Variants in RAP1GAP observed in about 807,000 individuals in gnomAD.
The protein encoded by RAP1GAP is rap1 GTPase-activating protein 1.
In RAP1GAP, 35 loss-of-function variants were observed where a neutral mutation model predicts 87.2. The observed-to-expected ratio is 0.40, with a 90% confidence interval of 0.31 to 0.53. RAP1GAP has a LOEUF of 0.53. RAP1GAP is among the 20% of genes least tolerant of loss of function. The pLI, the probability that RAP1GAP is intolerant of heterozygous loss-of-function variation, is 0.48. For synonymous variants in RAP1GAP, 375 were observed against 363.9 expected (o/e 1.03, Z -0.35); for missense variants, 734 against 898.9 (o/e 0.82, Z 2.35).
At chr1:21,657,021 G>A (rs2096893822) in intron 1 of RAP1GAP, among the ~76,000 whole-genome samples, 1 of 152,260 alleles carries the variant, frequency 6.6e-6, no homozygotes, top group African/African-American at 2.4e-5. Flanking sequence ...TGGCGATAGA[G>A]TCTGAACAAG....
At position 21,613,585 on chromosome 1, in the gene RAP1GAP, C is replaced by T. The variant is rs1458981342; in HGVS notation, c.474+43G>A. The stretch of plus-strand genomic sequence containing the variant: ...AAGCTGAAGCCCCACAGGTGCCCAT[C>T]TGCGGAGCCAGCCCGGGAAGCTCAG... On this transcript the variant is annotated intron_variant, in intron 9 of 24. Transcript: ENST00000374765. This position sits in a 1 kb window ranked among gnomAD's most constrained non-coding sequence, Gnocchi z 4.7. The T allele has an allele frequency of 6.4e-7, 1 of 1,550,616 alleles. No homozygotes were observed. The highest frequency in any genetic ancestry group is 8.9e-7 in the Non-Finnish European group (1 of 1,122,582).
At chr1:21,645,088 T>C (rs1571257366) in intron 2 of RAP1GAP, among the ~76,000 whole-genome samples, 1 of 152,164 alleles carries the variant, frequency 6.6e-6, no homozygotes, top group African/African-American at 2.4e-5. Flanking sequence ...CGGCTAGGCC[T>C]GTCTCATTTT....
intron 1 of RAP1GAP, among the ~76,000 whole-genome samples, chr1:21,667,356 A>C (rs2097398410): frequency 6.6e-6 from 1 of 152,176 alleles, no homozygotes; most frequent in Non-Finnish European, 1.5e-5. Context: ...TTGTCTCCTA[A>C]GGGTGGAAGG....
chr1:21,620,822 C>T (rs183703982), intron 3 of RAP1GAP, among the ~76,000 whole-genome samples: 37 of 151,844 alleles, frequency 2.4e-4, no homozygotes, highest in African/African-American at 6.8e-4. Flanking sequence ...GACACATGTG[C>T]TATGGAGTTG....
At chr1:21,627,732 T>A (rs1185651928) in intron 2 of RAP1GAP, among the ~76,000 whole-genome samples, 1 of 151,992 alleles carries the variant, frequency 6.6e-6, no homozygotes, top group African/African-American at 2.4e-5. Context: ...CCCTTCTAAT[T>A]CCACTCAGCC....
chr1:21,652,630 A>G (rs995635817), intron 1 of RAP1GAP, among the ~76,000 whole-genome samples: 1 of 151,962 alleles, frequency 6.6e-6, no homozygotes, highest in Non-Finnish European at 1.5e-5. Context: ...CCAGGTCCCA[A>G]CCTTTAGAGG....
chr1:21,654,873 G>A, intron 1 of RAP1GAP, among the ~76,000 whole-genome samples: 1 of 151,886 alleles, frequency 6.6e-6, no homozygotes, highest in Admixed American at 6.6e-5. Context: ...AGGCACGGTG[G>A]CTCACACCTG....
At chr1:21,653,580 CT>C (rs1200787107) in intron 1 of RAP1GAP, among the ~76,000 whole-genome samples, 9 of 122,068 alleles carry the variant, frequency 7.4e-5, no homozygotes, top group South Asian at 2.5e-4. Context: ...TCCTTCCTTC[CT>C]TCCTTCCTTC....
intron 2 of RAP1GAP, among the ~76,000 whole-genome samples, chr1:21,638,981 G>A (rs1227054569): frequency 6.6e-6 from 1 of 152,234 alleles, no homozygotes; most frequent in Non-Finnish European, 1.5e-5. Context: ...TTAGGCATTA[G>A]ACAACCTGCT....
At chr1:21,651,809 T>C in intron 1 of RAP1GAP, 5 of 1,312,260 alleles carry the variant, frequency 3.8e-6, no homozygotes, top group Non-Finnish European at 3.9e-6. Context: ...GAAGCTGCGC[T>C]TCCGGCCGCT....
intron 2 of RAP1GAP, among the ~76,000 whole-genome samples, chr1:21,644,635 C>A (rs1450202170): frequency 6.6e-6 from 1 of 152,138 alleles, no homozygotes; most frequent in East Asian, 1.9e-4. Context: ...CGCGGTGGCT[C>A]ACGTCTATAA....
At chr1:21,621,131 C>A (rs577709650) in intron 3 of RAP1GAP, among the ~76,000 whole-genome samples, 1 of 152,282 alleles carries the variant, frequency 6.6e-6, no homozygotes, top group East Asian at 1.9e-4. Context: ...CAAATGCAAA[C>A]CCACACCTGT....
chr1:21,613,602 G>A lies in RAP1GAP; in HGVS notation c.474+26C>T. On this transcript the variant is annotated intron_variant, in intron 9 of 24. Transcript: ENST00000374765. This position sits in a 1 kb window ranked among gnomAD's most constrained non-coding sequence, Gnocchi z 4.7. Reference sequence around the variant, plus strand: ...GTGCCCATCTGCGGAGCCAGCCCGGGAAGCTCAGCGGAGCGGAGACCTCAC... The same window carrying A: ...GTGCCCATCTGCGGAGCCAGCCCGGAAAGCTCAGCGGAGCGGAGACCTCAC... 6.3e-7 allele frequency: 1 copy of A among 1,591,144 alleles called. No homozygotes were observed. The highest frequency in any genetic ancestry group is 8.6e-7 in the Non-Finnish European group (1 of 1,159,326).
chr1:21,621,441 A>G (rs2087446839), intron 3 of RAP1GAP, among the ~76,000 whole-genome samples: 1 of 152,226 alleles, frequency 6.6e-6, no homozygotes, highest in Non-Finnish European at 1.5e-5. Flanking sequence ...AGCTCTGGGA[A>G]GGGTCACAAG....
intron 2 of RAP1GAP, among the ~76,000 whole-genome samples, chr1:21,636,700 G>A (rs1027419087): frequency 2.6e-5 from 4 of 151,896 alleles, no homozygotes; most frequent in African/African-American, 9.7e-5. Flanking sequence ...CCAGCTACCC[G>A]GGAGGCTGAG....
chr1:21,602,682 T>C lies in RAP1GAP; in HGVS notation c.1538+122A>G, dbSNP rs557092037. Reference sequence around the variant, plus strand: ...CAGCAGGGACTTGACCACACAGCTGTCACTAGTGGGGATGGAGAGGCAGAG... The same window carrying C: ...CAGCAGGGACTTGACCACACAGCTGCCACTAGTGGGGATGGAGAGGCAGAG... On this transcript the variant is annotated intron_variant, in intron 19 of 24. Transcript: ENST00000374765. 1,248 of 816,664 alleles carry C rather than the reference T, an allele frequency of 1.5e-3. 10 individuals carry two copies. The African/African-American group carries it at 0.018, about 12-fold the overall frequency. The allele number at this position is 816,664 out of a possible 1,614,324, so 50.6% of individuals were successfully genotyped here. A position where few individuals can be genotyped will look rare whatever the true frequency, so the allele number is the denominator to read the frequency against.
chr1:21,617,533 C>A (rs1315248870), intron 6 of RAP1GAP, 42 bp from the exon 7 acceptor site: 2 of 1,552,914 alleles, frequency 1.3e-6, no homozygotes, highest in Non-Finnish European at 1.7e-6. Flanking sequence ...CACTGTACCC[C>A]ACTGGGCGCC....
intron 20 of RAP1GAP, among the ~76,000 whole-genome samples, chr1:21,600,456 C>G (rs1449189891): frequency 1.3e-5 from 2 of 152,232 alleles, no homozygotes; most frequent in African/African-American, 2.4e-5. Context: ...AATGCAGGGA[C>G]AGTTTCCTCA....
At chr1:21,626,254 C>T (rs777098568) in intron 3 of RAP1GAP, 50 bp downstream of exon 3, 39 of 1,463,982 alleles carry the variant, frequency 2.7e-5, no homozygotes, top group Non-Finnish European at 3.4e-5. Context: ...GGGCATGTGT[C>T]GGAGGTAGGG....
Sources: gnomAD v4.1 joint callset for allele counts (sites outside exome capture counted in the v4.1 genomes callset) on GRCh38, gnomAD v4.1.1 for gene constraint, Gnocchi (gnomAD v3.1) non-coding constraint, MANE v1.5 for transcripts, NCBI Gene and HGNC (gene_info 2026-07-23, HGNC 2026-07-21) for gene names.